The following RAD51B variants were observed in gnomAD, a reference collection of about 807,000 sequenced individuals.
RAD51B encodes DNA repair protein RAD51 homolog 2.
RAD51B carries 38 observed loss-of-function variants against 42.2 expected under a neutral mutation model. The ratio of observed to expected loss-of-function variants is 0.90; its 90% CI spans 0.70 to 1.18. The LOEUF (loss-of-function observed/expected upper bound fraction) is 1.18, where lower values mean the gene tolerates loss of function less well. Ranked by LOEUF, RAD51B falls within the 50% of genes most tolerant of loss-of-function variation. RAD51B has a pLI of 0.00. For missense variants in RAD51B, 373 were observed against 400.7 expected (o/e 0.93, Z 0.59); for synonymous variants, 154 against 145.2 (o/e 1.06, Z -0.43).
At chr14:68,139,202 G>T (rs375954985) in intron 7 of RAD51B, among the ~76,000 whole-genome samples, 2 of 151,520 alleles carry the variant, frequency 1.3e-5, no homozygotes, top group African/African-American at 2.4e-5. Flanking sequence ...CTCCTTCAAA[G>T]ATCTCTGTGC....
At chr14:67,846,459 G>A (rs867211222) in intron 4 of RAD51B, among the ~76,000 whole-genome samples, 17 of 152,300 alleles carry the variant, frequency 1.1e-4, no homozygotes, top group African/African-American at 3.8e-4. Flanking sequence ...CTACCCACAC[G>A]TGTGCCAGCA....
In RAD51B at chr14:68,100,043, G is replaced by A. The variant is rs549685199; in HGVS notation, c.757-191841G>A. 2.0e-5 allele frequency among the ~76,000 whole-genome samples: 3 copies of A among 152,016 alleles called. No homozygotes were observed. The South Asian group carries it at 6.2e-4, about 32-fold the overall frequency. ...CAAGAGTTAAAATTTCAAAGGGAGG[G>A]GGAAGTTCTTTTTGACTTTTCTCCT... On this transcript the variant is annotated intron_variant, in intron 7 of 10. Transcript: ENST00000471583.
At chr14:68,577,476 C>T (rs1890012808) in intron 10 of RAD51B, among the ~76,000 whole-genome samples, 1 of 151,502 alleles carries the variant, frequency 6.6e-6, no homozygotes, top group African/African-American at 2.4e-5. Flanking sequence ...TATTCATGTG[C>T]TTTTACTCAT....
At chr14:68,492,143 A>G (rs963057333) in intron 10 of RAD51B, among the ~76,000 whole-genome samples, 5 of 152,152 alleles carry the variant, frequency 3.3e-5, no homozygotes, top group Non-Finnish European at 5.9e-5. Context: ...CTTTCCTCAC[A>G]TAATGGATGA....
At chr14:68,595,446 T>C in exon 11 of RAD51B, 1 of 1,066,676 alleles carries the variant, frequency 9.4e-7, no homozygotes, top group Non-Finnish European at 1.1e-6. Context: ...AGTGTTTCTG[T>C]GGAATTAAGA....
intron 7 of RAD51B, among the ~76,000 whole-genome samples, chr14:68,259,700 A>G (rs1247284271): frequency 6.6e-6 from 1 of 152,162 alleles, no homozygotes; most frequent in Non-Finnish European, 1.5e-5. Flanking sequence ...AAGGGTCAGC[A>G]CAGATCTGCA....
chr14:68,448,918 G>A (rs1168950758), intron 9 of RAD51B, among the ~76,000 whole-genome samples: 2 of 152,070 alleles, frequency 1.3e-5, no homozygotes, highest in Non-Finnish European at 2.9e-5. Context: ...CAATATAGTA[G>A]GAGGGAAAAT....
rs963433520 is a variant in RAD51B at position 67,819,817 on chromosome 14, G to C, written c.-39G>C. The C allele has an allele frequency of 3.3e-5, 5 of 152,202 alleles. No individual in the cohort carries two copies. Among genetic ancestry groups the C allele is most frequent in the African/African-American group, 1.2e-4 (5 of 41,422 alleles). The allele number at this position is 152,202 out of a possible 1,614,324, so 9.4% of individuals were successfully genotyped here. On this transcript the variant is annotated 5_prime_UTR_variant, in exon 1 of 11. Transcript: ENST00000471583. ...GTTTTCCGCGGGGAAACTGTGTAAA[G>C]GGTGGGGAAACTTGAAAGTTGGATG...
At chr14:68,163,612 A>G (rs556248821) in intron 7 of RAD51B, among the ~76,000 whole-genome samples, 7 of 152,228 alleles carry the variant, frequency 4.6e-5, no homozygotes, top group African/African-American at 1.4e-4. Context: ...CTCCTTGGCT[A>G]TAACGCCTGC....
intron 7 of RAD51B, among the ~76,000 whole-genome samples, chr14:68,031,569 C>T (rs1174044375): frequency 6.6e-6 from 1 of 152,104 alleles, no homozygotes; most frequent in Non-Finnish European, 1.5e-5. Context: ...CACAAACCTT[C>T]AATTTGTTAA....
intron 10 of RAD51B, chr14:68,563,754 T>C (rs1199825943): frequency 1.0e-6 from 1 of 985,288 alleles, no homozygotes; most frequent in Non-Finnish European, 1.2e-6. Flanking sequence ...GGGAGAGGAC[T>C]GTATAAACTC....
chr14:68,077,109 G>A (rs930963008), intron 7 of RAD51B, among the ~76,000 whole-genome samples: 4 of 152,244 alleles, frequency 2.6e-5, no homozygotes, highest in Non-Finnish European at 5.9e-5. Context: ...AATGGTGGTA[G>A]GGATGGGCTT....
chr14:68,082,080 C>A (rs2076920563), intron 7 of RAD51B, among the ~76,000 whole-genome samples: 1 of 152,072 alleles, frequency 6.6e-6, no homozygotes, highest in Non-Finnish European at 1.5e-5. Context: ...CCTGCCTCAG[C>A]CTCCTGAGTA....
chr14:68,252,139 T>A (rs555471720), intron 7 of RAD51B, among the ~76,000 whole-genome samples: 2 of 152,272 alleles, frequency 1.3e-5, no homozygotes, highest in African/African-American at 2.4e-5. Flanking sequence ...AGGAGTTGAG[T>A]ATACCTATAA....
chr14:68,285,293 G>A (rs1438829594), intron 7 of RAD51B, among the ~76,000 whole-genome samples: 5 of 152,224 alleles, frequency 3.3e-5, no homozygotes, highest in African/African-American at 1.2e-4. Context: ...TGTTTGGATA[G>A]AAAGGCTAGG....
At chr14:67,837,017 T>A (rs2041266544) in intron 4 of RAD51B, among the ~76,000 whole-genome samples, 1 of 152,154 alleles carries the variant, frequency 6.6e-6, no homozygotes, top group African/African-American at 2.4e-5. Flanking sequence ...ATAGGGACCC[T>A]GTTTTAGATA....
intron 7 of RAD51B, among the ~76,000 whole-genome samples, chr14:68,102,024 G>A (rs912938623): frequency 6.6e-6 from 1 of 152,208 alleles, no homozygotes; most frequent in Non-Finnish European, 1.5e-5. Context: ...AAGCTGCCAA[G>A]GCTTGGGACT....
At chr14:68,181,562 A>G (rs1054766527) in intron 7 of RAD51B, among the ~76,000 whole-genome samples, 2 of 152,226 alleles carry the variant, frequency 1.3e-5, no homozygotes, top group Non-Finnish European at 2.9e-5. Flanking sequence ...GTTCCTTCTC[A>G]GCCTGCCCCC....
At chr14:68,286,237 C>T (rs1180749414) in intron 7 of RAD51B, among the ~76,000 whole-genome samples, 1 of 152,180 alleles carries the variant, frequency 6.6e-6, no homozygotes. Context: ...CTCATCTGTA[C>T]TATTGGTCTT....
Sources: gnomAD v4.1 joint callset for allele counts (sites outside exome capture counted in the v4.1 genomes callset) on GRCh38, gnomAD v4.1.1 for gene constraint, MANE v1.5 for transcripts, NCBI Gene and HGNC (gene_info 2026-07-23, HGNC 2026-07-21) for gene names.